Variants in AGBL4 observed in about 807,000 individuals in gnomAD.
AGBL4 encodes the protein AGBL carboxypeptidase 4, also known as cytosolic carboxypeptidase 6.
In AGBL4, 58 loss-of-function variants were observed where a neutral mutation model predicts 66.4. The observed-to-expected ratio is 0.87, with a 90% CI of 0.71 to 1.09. AGBL4 has a LOEUF of 1.09. AGBL4 is among the 50% of genes least tolerant of loss of function. AGBL4 has a pLI of 0.00. For synonymous variants in AGBL4, 234 were observed against 222.9 expected (o/e 1.05, Z -0.44); for missense variants, 579 against 631.0 (o/e 0.92, Z 0.88).
At chr1:49,894,988 G>A (rs1350960868) in intron 1 of AGBL4, among the ~76,000 whole-genome samples, 6 of 151,888 alleles carry the variant, frequency 4.0e-5, no homozygotes, top group Non-Finnish European at 7.4e-5. Flanking sequence ...CAAAGGTCAC[G>A]AATAAAGGAT....
intron 6 of AGBL4, among the ~76,000 whole-genome samples, chr1:48,774,901 A>G (rs570143349): frequency 1.3e-4 from 20 of 152,330 alleles, no homozygotes; most frequent in Non-Finnish European, 2.1e-4. Flanking sequence ...TCTCTTTAAC[A>G]CATCACTTCT....
At chr1:49,788,540 G>A (rs1644516907) in intron 2 of AGBL4, among the ~76,000 whole-genome samples, 1 of 148,598 alleles carries the variant, frequency 6.7e-6, no homozygotes, top group Admixed American at 6.7e-5. Flanking sequence ...AAGAATAAAA[G>A]AATGAACAAA....
At chr1:48,729,419 CT>C (rs1221551880) in intron 6 of AGBL4, among the ~76,000 whole-genome samples, 2 of 152,120 alleles carry the variant, frequency 1.3e-5, no homozygotes, top group African/African-American at 4.8e-5. Context: ...CTCTTTGAGC[CT>C]GAGTTTTCTC....
At chr1:49,640,970 A>T (rs1170654017) in intron 3 of AGBL4, among the ~76,000 whole-genome samples, 1 of 152,098 alleles carries the variant, frequency 6.6e-6, no homozygotes, top group Non-Finnish European at 1.5e-5. Context: ...GGACTCAATA[A>T]ATCGGTGCTC....
intron 5 of AGBL4, among the ~76,000 whole-genome samples, chr1:48,952,232 CAT>C (rs1657053058): frequency 6.6e-6 from 1 of 152,194 alleles, no homozygotes; most frequent in Non-Finnish European, 1.5e-5. Context: ...TTGTTTAACA[CAT>C]ATTAATTGAG....
chr1:49,625,575 A>G (rs1645449317), intron 3 of AGBL4, among the ~76,000 whole-genome samples: 1 of 152,192 alleles, frequency 6.6e-6, no homozygotes, highest in Admixed American at 6.6e-5. Flanking sequence ...TCCCATAGGA[A>G]CTTGCTGAAA....
Position 49,794,234 on chromosome 1 carries a change from G to A in AGBL4, c.157+57162C>T, listed in dbSNP as rs142893656. On this transcript the variant is annotated intron_variant, in intron 2 of 13. Transcript: ENST00000371839. ...AAAAAATATTGTCATTTTTTTTGCC[G>A]ATACATAGAAAAAGCAATTTAATGT... Among the ~76,000 whole-genome samples the A allele has an allele frequency of 1.6e-4, 24 of 151,722 alleles. No individual in the cohort carries two copies. The East Asian group carries it at 3.9e-3, about 24-fold the overall frequency.
intron 3 of AGBL4, among the ~76,000 whole-genome samples, chr1:49,693,608 T>TG (rs1327240345): frequency 1.3e-5 from 2 of 152,082 alleles, no homozygotes; most frequent in African/African-American, 2.4e-5. Flanking sequence ...TTTTTGTGTG[T>TG]GTGGGGGGGT....
intron 12 of AGBL4, 121 bp from the exon 13 acceptor site, chr1:48,535,037 G>A: frequency 1.1e-6 from 1 of 917,638 alleles, no homozygotes; most frequent in African/African-American, 1.7e-5. Context: ...CGGAGCATAG[G>A]ACGTAAGTAT....
At chr1:49,726,716 A>T (rs1266321342) in intron 2 of AGBL4, among the ~76,000 whole-genome samples, 1 of 152,184 alleles carries the variant, frequency 6.6e-6, no homozygotes, top group African/African-American at 2.4e-5. Flanking sequence ...AGGAACCAGC[A>T]CAACTCTAAG....
At chr1:49,043,175 A>C (rs1370586700) in intron 5 of AGBL4, among the ~76,000 whole-genome samples, 1 of 152,146 alleles carries the variant, frequency 6.6e-6, no homozygotes, top group Admixed American at 6.5e-5. Flanking sequence ...AGGTGCACTT[A>C]ATGTATTATA....
chr1:49,446,282 CT>C (rs1646154652), intron 3 of AGBL4, among the ~76,000 whole-genome samples: 3 of 152,246 alleles, frequency 2.0e-5, no homozygotes, highest in African/African-American at 7.2e-5. Context: ...ACATTATTAT[CT>C]GCAAACCTTG....
chr1:48,986,946 C>A (rs545531682), intron 5 of AGBL4, among the ~76,000 whole-genome samples: 39 of 152,002 alleles, frequency 2.6e-4, no homozygotes, highest in Non-Finnish European at 5.4e-4. Context: ...ACAAACCCTA[C>A]ATAAGCTACA....
At chr1:49,191,017 C>T (rs1196601422) in intron 4 of AGBL4, among the ~76,000 whole-genome samples, 1 of 152,162 alleles carries the variant, frequency 6.6e-6, no homozygotes, top group East Asian at 1.9e-4. Context: ...TTTTGCTCAA[C>T]TAAATTTAGC....
intron 5 of AGBL4, among the ~76,000 whole-genome samples, chr1:48,944,504 T>C (rs1333775657): frequency 6.6e-6 from 1 of 152,076 alleles, no homozygotes; most frequent in East Asian, 1.9e-4. Flanking sequence ...CTCCCACAAT[T>C]TTATAGATGT....
Position 49,960,705 on chromosome 1 carries a change from T to G in AGBL4, c.34+63058A>C, listed in dbSNP as rs370381396. Among the ~76,000 whole-genome samples, 52 of 152,178 alleles carry G rather than the reference T, an allele frequency of 3.4e-4. 1 individual carries two copies. The South Asian group carries it at 9.5e-3, about 28-fold the overall frequency. Reference sequence around the variant, plus strand: ...GTACAATCACTTGCCAATTTAAAATTTTTTATTTAATTTTTAAAATTTTAA... The same window carrying G: ...GTACAATCACTTGCCAATTTAAAATGTTTTATTTAATTTTTAAAATTTTAA... On this transcript the variant is annotated intron_variant, in intron 1 of 13. Transcript: ENST00000371839.
intron 4 of AGBL4, among the ~76,000 whole-genome samples, chr1:49,208,314 T>G (rs1245073662): frequency 6.6e-6 from 1 of 152,090 alleles, no homozygotes; most frequent in Admixed American, 6.6e-5. Context: ...ATTTTTTTTC[T>G]TAATGATTCT....
At chr1:49,592,321 T>C (rs2152966) in intron 3 of AGBL4, among the ~76,000 whole-genome samples, 104,369 of 152,104 alleles carry the variant, frequency 0.69, 36,574 homozygotes, top group African/African-American at 0.78. Flanking sequence ...CTGTAATCCC[T>C]GCACTTTGAG....
chr1:49,779,583 G>A (rs1016759003), intron 2 of AGBL4, among the ~76,000 whole-genome samples: 2 of 152,144 alleles, frequency 1.3e-5, no homozygotes, highest in Admixed American at 6.6e-5. Flanking sequence ...CCCCAATAAG[G>A]AGGTCTCTGG....
Sources: gnomAD v4.1 joint callset for allele counts (sites outside exome capture counted in the v4.1 genomes callset) on GRCh38, gnomAD v4.1.1 for gene constraint, MANE v1.5 for transcripts, NCBI Gene and HGNC (gene_info 2026-07-23, HGNC 2026-07-21) for gene names.